The following ZNF454 variants were observed in gnomAD, a reference collection of about 807,000 sequenced individuals.
ZNF454 encodes zinc finger protein 454.
In ZNF454, 30 loss-of-function variants were observed where a neutral mutation model predicts 48.2. The observed-to-expected ratio is 0.62, with a 90% CI of 0.47 to 0.84. The LOEUF is 0.84. ZNF454 is among the 40% of genes least tolerant of loss of function. The pLI, the probability that ZNF454 is intolerant of heterozygous loss-of-function variation, is 0.00. For missense variants in ZNF454, 510 were observed against 623.1 expected (o/e 0.82, Z 1.93); for synonymous variants, 204 against 211.4 (o/e 0.97, Z 0.30).
chr5:178,961,591 G>A (rs1317741811), intron 4 of ZNF454, among the ~76,000 whole-genome samples: 2 of 151,508 alleles, frequency 1.3e-5, no homozygotes, highest in African/African-American at 2.4e-5. Context: ...CAAGGCGGGC[G>A]GATTGCCTCA....
At chr5:178,958,092 AC>A (rs1372168837) in intron 4 of ZNF454, among the ~76,000 whole-genome samples, 1 of 152,158 alleles carries the variant, frequency 6.6e-6, no homozygotes, top group Non-Finnish European at 1.5e-5. Flanking sequence ...TTTAAAGCAA[AC>A]TTTTTTGAAA....
chr5:178,948,998 A>G (rs1489578227), intron 4 of ZNF454, among the ~76,000 whole-genome samples: 1 of 151,414 alleles, frequency 6.6e-6, no homozygotes, highest in East Asian at 1.9e-4. Context: ...AGGCTCCTAA[A>G]TAGCTGAGAC....
chr5:178,989,184 AC>A, the ZNF454 span: 2 of 1,589,072 alleles, frequency 1.3e-6, no homozygotes, highest in South Asian at 2.3e-5. Flanking sequence ...CATGCACCGA[AC>A]CCGGCCTCCC....
At chr5:178,989,415 G>A in the ZNF454 span, 14 of 1,614,002 alleles carry the variant, frequency 8.7e-6, no homozygotes, top group Non-Finnish European at 1.1e-5. Context: ...CCTACAGACA[G>A]GGAAGAAGGG....
chr5:178,963,915 G>A (rs373780250), intron 4 of ZNF454, among the ~76,000 whole-genome samples: 2 of 151,524 alleles, frequency 1.3e-5, no homozygotes, highest in Non-Finnish European at 2.9e-5. Flanking sequence ...ACCAAGTGTC[G>A]ACTACTATTT....
intron 2 of ZNF454, 91 bp downstream of exon 2, chr5:178,942,915 C>A: frequency 1.4e-6 from 2 of 1,429,434 alleles, no homozygotes; most frequent in Non-Finnish European, 1.9e-6. Context: ...TATTCCCAAT[C>A]CAGTCCCACC....
At position 178,946,567 on chromosome 5, in the gene ZNF454, G is replaced by C. The variant is rs1040877489; in HGVS notation, c.160+82G>C. ...TACATTGACACCATATAGAAGAGTC[G>C]GTTGGACCAACTGAGGACGCTGTCT... On this transcript the variant is annotated intron_variant, in intron 3 of 4. Coordinates refer to ENST00000519564, the MANE Select transcript of ZNF454 (RefSeq NM_001178089.3). This position sits in a 1 kb window ranked among gnomAD's most constrained non-coding sequence, Gnocchi z 4.5. 3.3e-6 allele frequency: 5 copies of C among 1,502,816 alleles called. No homozygotes were observed. The highest frequency in any genetic ancestry group is 3.6e-6 in the Non-Finnish European group (4 of 1,125,404). 93.1% of individuals were successfully genotyped at this position (1,502,816 alleles called of 1,614,324 possible).
chr5:178,982,459 T>A, the ZNF454 span, among the ~76,000 whole-genome samples: 1 of 151,402 alleles, frequency 6.6e-6, no homozygotes, highest in Non-Finnish European at 1.5e-5. Context: ...GCACCTGTAG[T>A]CCCAGCTACG....
At chr5:178,986,741 G>T in the ZNF454 span, 1 of 1,607,040 alleles carries the variant, frequency 6.2e-7, no homozygotes, top group South Asian at 1.1e-5. Context: ...CCAGACCACT[G>T]CAGGGCCTCC....
the ZNF454 span, among the ~76,000 whole-genome samples, chr5:178,974,309 TGTG>T: frequency 5.4e-5 from 8 of 147,890 alleles, no homozygotes; most frequent in Non-Finnish European, 1.0e-4. Context: ...TTGTTGTGGT[TGTG>T]GTTGTTGTTG....
the ZNF454 span, chr5:178,985,716 A>AC: frequency 9.0e-4 from 368 of 410,632 alleles, 6 homozygotes; most frequent in African/African-American, 7.5e-3. Flanking sequence ...AAAAAAAAAC[A>AC]AAACAACACA....
At chr5:178,967,264 C>T (rs534845252), downstream of ZNF454, among the ~76,000 whole-genome samples, 1 of 152,306 alleles carries the variant, frequency 6.6e-6, no homozygotes, top group South Asian at 2.1e-4. Flanking sequence ...CAGTCACCTC[C>T]ATCTGTCGCT....
In ZNF454 at chr5:178,946,922, G is replaced by A. The variant is rs770981976; in HGVS notation, c.186G>A (p.Thr62=). The change falls in exon 4 of 5, where the codon ACG becomes ACA. Residue 62 remains threonine (T), a synonymous_variant. Coordinates refer to ENST00000519564, the MANE Select transcript of ZNF454 (RefSeq NM_001178089.3). This position sits in a 1 kb window ranked among gnomAD's most constrained non-coding sequence, Gnocchi z 4.5. Reference sequence around the variant, plus strand: ...GACTCTTAGGACCCAAACCAGATACGTTTTCCCAGCTAGAAAAAAGGGAAG... The same window carrying A: ...GACTCTTAGGACCCAAACCAGATACATTTTCCCAGCTAGAAAAAAGGGAAG... ...SLGLLGPKPD[T]FSQLEKREVW... is the part of the protein sequence containing the mutation. The A allele has an allele frequency of 1.9e-5, 31 of 1,613,906 alleles. No individual in the cohort carries two copies. Among genetic ancestry groups the A allele is most frequent in the Admixed American group, 3.3e-5 (2 of 59,976 alleles).
downstream of ZNF454, chr5:178,968,823 G>C (rs1027870432): frequency 4.4e-6 from 2 of 456,686 alleles, no homozygotes; most frequent in Non-Finnish European, 8.8e-6. Flanking sequence ...CTTGGTATGT[G>C]CCTACCGTTG....
At chr5:178,981,805 G>A in the ZNF454 span, 12 of 1,612,328 alleles carry the variant, frequency 7.4e-6, no homozygotes, top group South Asian at 5.5e-5. This position sits in a 1 kb window ranked among gnomAD's most constrained non-coding sequence, Gnocchi z 5.1. Context: ...GAGGGACACC[G>A]AGGCACTCAG....
At position 178,946,649 on chromosome 5, in the gene ZNF454, G is replaced by A. The variant is rs1759349971; in HGVS notation, c.160+164G>A. ...GTGTCCTGGGCACAGGCCTCTTTTGGAGTCCACTGCGGATGCCTCAAAAGT... is the reference window on the plus strand; with the variant it reads ...GTGTCCTGGGCACAGGCCTCTTTTGAAGTCCACTGCGGATGCCTCAAAAGT... On this transcript the variant is annotated intron_variant, in intron 3 of 4. Coordinates refer to ENST00000519564, the MANE Select transcript of ZNF454 (RefSeq NM_001178089.3). This position sits in a 1 kb window ranked among gnomAD's most constrained non-coding sequence, Gnocchi z 4.5. Among the ~76,000 whole-genome samples the A allele has an allele frequency of 6.6e-6, 1 of 152,162 alleles. No homozygotes were observed. Among genetic ancestry groups the A allele is most frequent in the Non-Finnish European group, 1.5e-5 (1 of 68,020 alleles).
intron 4 of ZNF454, among the ~76,000 whole-genome samples, chr5:178,953,473 A>G (rs988396685): frequency 1.3e-5 from 2 of 152,106 alleles, no homozygotes; most frequent in Non-Finnish European, 2.9e-5. Context: ...GGCCTTCTGC[A>G]TCTGGTGCCC....
At chr5:178,985,804 C>A in the ZNF454 span, 1 of 523,142 alleles carries the variant, frequency 1.9e-6, no homozygotes, top group Non-Finnish European at 3.6e-6. Context: ...CTCTGACACC[C>A]AAGCTGGATT....
At chr5:178,978,494 A>G in the ZNF454 span, 1 of 152,258 alleles carries the variant, frequency 6.6e-6, no homozygotes, top group Non-Finnish European at 1.5e-5. Flanking sequence ...GATTCACACA[A>G]GTGAGACAGC....
Sources: allele counts gnomAD v4.1 joint callset (sites outside exome capture counted in the v4.1 genomes callset), GRCh38; gene constraint gnomAD v4.1.1; non-coding constraint Gnocchi (gnomAD v3.1); transcripts MANE v1.5; gene names NCBI Gene and HGNC (gene_info 2026-07-23, HGNC 2026-07-21).